Variants in DYM observed in about 807,000 individuals in gnomAD.
DYM encodes dyggve-Melchior-Clausen syndrome protein.
Under a neutral mutation model 93.1 loss-of-function variants are expected in DYM, and 78 were observed. The ratio of observed to expected loss-of-function variants is 0.84; its 90% CI spans 0.70 to 1.01. The LOEUF is 1.01. Among genes scored for constraint, DYM ranks in the 50% least tolerant of loss-of-function variants. The pLI is 0.00. For synonymous variants in DYM, 321 were observed against 319.7 expected, an observed-to-expected ratio of 1.00 and a Z score of -0.04; for missense variants, 789 against 845.0, an observed-to-expected ratio of 0.93 and a Z score of 0.82.
At chr18:49,161,196 CA>C (rs1228248744) in intron 15 of DYM, among the ~76,000 whole-genome samples, 1 of 151,696 alleles carries the variant, frequency 6.6e-6, no homozygotes, top group Non-Finnish European at 1.5e-5. Flanking sequence ...AAATTTTATA[CA>C]AGAAGAAAAT....
chr18:49,054,670 A>G (rs1321819117), intron 17 of DYM, among the ~76,000 whole-genome samples: 1 of 152,204 alleles, frequency 6.6e-6, no homozygotes, highest in Non-Finnish European at 1.5e-5. Context: ...AACACATGGC[A>G]TATCTAGGAA....
intron 1 of DYM, among the ~76,000 whole-genome samples, chr18:49,456,502 G>A (rs1478311249): frequency 2.0e-5 from 3 of 152,012 alleles, no homozygotes; most frequent in Non-Finnish European, 4.4e-5. Flanking sequence ...GGTTTTAAAT[G>A]CCCAAAAGAC....
intron 17 of DYM, among the ~76,000 whole-genome samples, chr18:49,075,289 A>T (rs1174134350): frequency 6.6e-6 from 1 of 152,096 alleles, no homozygotes; most frequent in African/African-American, 2.4e-5. Context: ...TTGAGGGCCG[A>T]GTGTGCAGCC....
chr18:49,378,087 G>C (rs1204121068), intron 5 of DYM, among the ~76,000 whole-genome samples: 1 of 152,152 alleles, frequency 6.6e-6, no homozygotes, highest in Non-Finnish European at 1.5e-5. Flanking sequence ...AACTGTCCTT[G>C]AAAATGTTAC....
At chr18:49,315,900 G>A (rs898135061) in intron 8 of DYM, among the ~76,000 whole-genome samples, 2 of 152,090 alleles carry the variant, frequency 1.3e-5, no homozygotes, top group Admixed American at 6.5e-5. Flanking sequence ...TATGAAACAA[G>A]TGTTTTCTTT....
At chr18:49,363,263 TA>T in intron 5 of DYM, 30 bp from the exon 6 acceptor site, 1 of 1,524,374 alleles carries the variant, frequency 6.6e-7, no homozygotes, top group Non-Finnish European at 9.1e-7. Flanking sequence ...GATTTTTTTT[TA>T]ACAAAGTACA....
In DYM at chr18:49,289,749, A is replaced by ACG. The variant is rs1447998714; in HGVS notation, c.764-3134_764-3133insCG. On this transcript the variant is annotated intron_variant, in intron 8 of 17. Coordinates refer to ENST00000675505, the MANE Select transcript of DYM (RefSeq NM_001353214.3). The stretch of plus-strand genomic sequence containing the variant: ...TGTGTATATATATATATATATATAT[A>ACG]TATATATATATATATATATATATAC... Among the ~76,000 whole-genome samples, 374 of 48,594 alleles carry ACG rather than the reference A, an allele frequency of 7.7e-3. 8 individuals carry two copies. The highest frequency in any genetic ancestry group is 0.031 in the African/African-American group (350 of 11,406). 31.9% of individuals were successfully genotyped at this position (48,594 alleles called of 152,430 possible).
chr18:49,127,484 A>G (rs756100052), intron 15 of DYM, among the ~76,000 whole-genome samples: 24 of 152,202 alleles, frequency 1.6e-4, no homozygotes, highest in Non-Finnish European at 3.1e-4. Context: ...TAAGAGAAGC[A>G]TATGTATCTT....
At chr18:49,137,202 A>C in intron 15 of DYM, among the ~76,000 whole-genome samples, 1 of 152,124 alleles carries the variant, frequency 6.6e-6, no homozygotes, top group East Asian at 1.9e-4. Context: ...GCACCGACCT[A>C]CTTCATCATG....
At chr18:49,045,591 A>G (rs1266159719) in intron 17 of DYM, among the ~76,000 whole-genome samples, 1 of 152,236 alleles carries the variant, frequency 6.6e-6, no homozygotes, top group African/African-American at 2.4e-5. Flanking sequence ...AGCCAAACCC[A>G]GCTCCTGTTC....
chr18:49,059,378 A>G (rs2075764650), intron 17 of DYM, among the ~76,000 whole-genome samples: 1 of 152,212 alleles, frequency 6.6e-6, no homozygotes, highest in African/African-American at 2.4e-5. Flanking sequence ...CCAGCGAACT[A>G]AGACAAAAGG....
intron 14 of DYM, among the ~76,000 whole-genome samples, chr18:49,178,319 G>A (rs1349170859): frequency 1.3e-5 from 2 of 152,110 alleles, no homozygotes; most frequent in Non-Finnish European, 2.9e-5. Context: ...CAACATCAAA[G>A]AAGGAGCAAA....
chr18:49,243,254 T>C (rs371112833), intron 13 of DYM, among the ~76,000 whole-genome samples: 1 of 152,166 alleles, frequency 6.6e-6, no homozygotes, highest in African/African-American at 2.4e-5. Context: ...CATGAGTCTA[T>C]GGTGTGAATT....
rs542057664 is a variant in DYM, at chr18:49,451,595, T to C, written c.-54+8803A>G. ...CCATGCTGGGCTCAGCTTTAAGAAG[T>C]CTTATCTGAGATTTCTTGTGGAACA... On this transcript the variant is annotated intron_variant, in intron 1 of 17. Transcript: ENST00000675505. Among the ~76,000 whole-genome samples the C allele has an allele frequency of 3.9e-5, 6 of 152,316 alleles. No individual in the cohort carries two copies. The East Asian group carries it at 1.2e-3, about 29-fold the overall frequency.
intron 17 of DYM, among the ~76,000 whole-genome samples, chr18:49,058,009 A>G (rs2075646478): frequency 6.6e-6 from 1 of 152,256 alleles, no homozygotes; most frequent in Non-Finnish European, 1.5e-5. Flanking sequence ...GGCCAGGCAC[A>G]ACTGCTGGCT....
At chr18:49,430,944 A>G (rs2148465935) in intron 1 of DYM, among the ~76,000 whole-genome samples, 1 of 152,240 alleles carries the variant, frequency 6.6e-6, no homozygotes, top group Admixed American at 6.5e-5. Context: ...AAACACAAAA[A>G]TCCGAATCTA....
intron 13 of DYM, among the ~76,000 whole-genome samples, chr18:49,210,760 G>A (rs2092741855): frequency 6.6e-6 from 1 of 152,178 alleles, no homozygotes; most frequent in African/African-American, 2.4e-5. Flanking sequence ...ACAGGATGTT[G>A]ATAGTGGGGG....
At chr18:49,132,904 G>A (rs1484555771) in intron 15 of DYM, among the ~76,000 whole-genome samples, 2 of 152,150 alleles carry the variant, frequency 1.3e-5, no homozygotes, top group South Asian at 2.1e-4. Flanking sequence ...AATTGTTTTA[G>A]TAAAGTAGGA....
At chr18:49,150,473 C>G (rs1435800119) in intron 15 of DYM, among the ~76,000 whole-genome samples, 4 of 152,182 alleles carry the variant, frequency 2.6e-5, no homozygotes, top group Non-Finnish European at 4.4e-5. Flanking sequence ...TAACAAAAGG[C>G]CATGTGAGCA....
Sources: gnomAD v4.1 joint callset for allele counts (sites outside exome capture counted in the v4.1 genomes callset) on GRCh38, gnomAD v4.1.1 for gene constraint, MANE v1.5 for transcripts, NCBI Gene and HGNC (gene_info 2026-07-23, HGNC 2026-07-21) for gene names.